CNTNAP2: variants seen among roughly 807,000 people sequenced by gnomAD.
CNTNAP2 encodes contactin-associated protein-like 2.
CNTNAP2 carries 98 observed loss-of-function variants against 155.2 expected under a neutral mutation model. That is an observed-to-expected ratio of 0.63 (90% CI 0.54 to 0.75). The LOEUF (loss-of-function observed/expected upper bound fraction) is 0.75. Among genes scored for constraint, CNTNAP2 ranks in the 30% least tolerant of loss-of-function variants. CNTNAP2 has a pLI of 0.00. For missense variants in CNTNAP2, 1,727 were observed against 1,688.1 expected (o/e 1.02, Z -0.40); for synonymous variants, 651 against 631.2 (o/e 1.03, Z -0.47).
At chr7:147,496,837 TCATC>T (rs1489574143) in intron 11 of CNTNAP2, 18 of 151,330 alleles carry the variant, frequency 1.2e-4, no homozygotes, top group Non-Finnish European at 1.8e-4. Context: ...AACTCTTACT[TCATC>T]CATTTTGTTG....
At chr7:147,844,878 T>C (rs1798801583) in intron 13 of CNTNAP2, among the ~76,000 whole-genome samples, 1 of 131,324 alleles carries the variant, frequency 7.6e-6, no homozygotes, top group Admixed American at 8.5e-5. Context: ...TTTGGCTCTG[T>C]TTATATGCTG....
At chr7:148,255,794 T>C (rs1262675580) in intron 20 of CNTNAP2, among the ~76,000 whole-genome samples, 3 of 152,214 alleles carry the variant, frequency 2.0e-5, no homozygotes, top group Non-Finnish European at 4.4e-5. Context: ...AAACAGAAAT[T>C]ACACAACAAA....
At chr7:147,975,037 T>C (rs1051332057) in intron 14 of CNTNAP2, among the ~76,000 whole-genome samples, 4 of 151,518 alleles carry the variant, frequency 2.6e-5, no homozygotes, top group African/African-American at 9.7e-5. Context: ...TATAATACAA[T>C]TTTTTGTATT....
chr7:148,320,507 C>A (rs1282593890), intron 21 of CNTNAP2, among the ~76,000 whole-genome samples: 1 of 151,108 alleles, frequency 6.6e-6, no homozygotes, highest in Non-Finnish European at 1.5e-5. Flanking sequence ...CCTCAGCCAC[C>A]CAAGTAGCTG....
At chr7:146,418,688 C>G (rs906745792) in intron 1 of CNTNAP2, among the ~76,000 whole-genome samples, 3 of 152,016 alleles carry the variant, frequency 2.0e-5, no homozygotes, top group African/African-American at 7.2e-5. Flanking sequence ...CCCAGGAAAC[C>G]AATGTTATAT....
At chr7:147,486,394 G>A (rs1002665451) in intron 11 of CNTNAP2, among the ~76,000 whole-genome samples, 1 of 152,052 alleles carries the variant, frequency 6.6e-6, no homozygotes, top group African/African-American at 2.4e-5. Flanking sequence ...GTCTCTGACT[G>A]GACCCTCATT....
intron 8 of CNTNAP2, among the ~76,000 whole-genome samples, chr7:147,247,765 G>C (rs962773685): frequency 2.0e-5 from 3 of 152,056 alleles, no homozygotes; most frequent in Admixed American, 6.6e-5. Context: ...AAATGCCATA[G>C]GGACTAAATG....
intron 1 of CNTNAP2, among the ~76,000 whole-genome samples, chr7:146,758,147 C>G (rs1802024455): frequency 6.6e-6 from 1 of 152,298 alleles, no homozygotes; most frequent in East Asian, 1.9e-4. Context: ...AGGATCAGCA[C>G]ACTTTCAATC....
intron 1 of CNTNAP2, among the ~76,000 whole-genome samples, chr7:146,485,200 A>G (rs73464710): frequency 0.032 from 4,892 of 152,196 alleles, 251 homozygotes; most frequent in African/African-American, 0.11. Context: ...CACTGTGACA[A>G]TGTTTAAAAA....
intron 13 of CNTNAP2, among the ~76,000 whole-genome samples, chr7:147,890,064 T>C (rs373515470): frequency 5.3e-5 from 8 of 152,102 alleles, no homozygotes. Flanking sequence ...GCAAAACATA[T>C]AATTAGACAT....
intron 1 of CNTNAP2, among the ~76,000 whole-genome samples, chr7:146,193,346 C>G (rs1798733357): frequency 6.6e-6 from 1 of 152,170 alleles, no homozygotes. Flanking sequence ...CATGAGGGCC[C>G]CTCCCCTGCA....
intron 1 of CNTNAP2, among the ~76,000 whole-genome samples, chr7:146,463,304 A>G (rs1484269518): frequency 6.6e-6 from 1 of 152,088 alleles, no homozygotes; most frequent in East Asian, 1.9e-4. Context: ...CATGATTTCC[A>G]TGTATTCACC....
intron 2 of CNTNAP2, among the ~76,000 whole-genome samples, chr7:146,825,775 A>G (rs1159725400): frequency 6.6e-6 from 1 of 152,088 alleles, no homozygotes; most frequent in African/African-American, 2.4e-5. Flanking sequence ...TGTGTGGTCG[A>G]CCTAGCTTCA....
intron 10 of CNTNAP2, among the ~76,000 whole-genome samples, chr7:147,397,248 A>T (rs917523078): frequency 6.6e-6 from 1 of 152,086 alleles, no homozygotes; most frequent in African/African-American, 2.4e-5. Flanking sequence ...ACTCCTAATT[A>T]TTGAGCCATT....
intron 1 of CNTNAP2, among the ~76,000 whole-genome samples, chr7:146,207,234 A>G (rs185768639): frequency 2.8e-4 from 43 of 152,134 alleles, no homozygotes; most frequent in African/African-American, 1.0e-3. Flanking sequence ...TTTTAGACCA[A>G]TCCACCACTA....
intron 11 of CNTNAP2, among the ~76,000 whole-genome samples, chr7:147,549,201 A>T (rs1265954357): frequency 6.6e-6 from 1 of 152,110 alleles, no homozygotes; most frequent in African/African-American, 2.4e-5. Context: ...CAGTATGGCC[A>T]TTTTCATGAT....
intron 1 of CNTNAP2, among the ~76,000 whole-genome samples, chr7:146,256,023 A>G (rs993915759): frequency 1.3e-5 from 2 of 152,362 alleles, no homozygotes; most frequent in Non-Finnish European, 2.9e-5. Flanking sequence ...AAAACAAATT[A>G]GAAAACTTGT....
rs372615431 is a variant in CNTNAP2, at chr7:146,469,941, G to A, written c.98-304330G>A. ...TGCAAACTCCGCCTCACGGGTTCAC[G>A]CGGTTCTCCTGCCTCAGCCTCCCGA... is the stretch of plus-strand genomic sequence containing the variant. On this transcript the variant is annotated intron_variant, in intron 1 of 23. Transcript: ENST00000361727. Among the ~76,000 whole-genome samples the A allele has an allele frequency of 6.7e-4, 101 of 151,166 alleles. 1 individual carries two copies. The highest frequency in any genetic ancestry group is 2.3e-3 in the African/African-American group (95 of 41,134).
chr7:146,316,695 G>A (rs549609781), intron 1 of CNTNAP2, among the ~76,000 whole-genome samples: 168 of 152,150 alleles, frequency 1.1e-3, no homozygotes, highest in African/African-American at 3.9e-3. Context: ...GGATAAGCAG[G>A]ATGTTTTCTA....
Sources: gnomAD v4.1 joint callset for allele counts (sites outside exome capture counted in the v4.1 genomes callset) on GRCh38, gnomAD v4.1.1 for gene constraint, MANE v1.5 for transcripts, NCBI Gene and HGNC (gene_info 2026-07-23, HGNC 2026-07-21) for gene names.